The following CHD1L variants were observed in gnomAD, a reference collection of about 807,000 sequenced individuals.
The protein encoded by CHD1L is ATP-dependent chromatin remodeler CHD1L.
Under a neutral mutation model 115.9 loss-of-function variants are expected in CHD1L, and 118 were observed. The ratio of observed to expected loss-of-function variants is 1.02; its 90% CI spans 0.88 to 1.19. CHD1L has a LOEUF of 1.19. Ranked by LOEUF, CHD1L falls within the 50% of genes most tolerant of loss-of-function variation. CHD1L has a pLI of 0.00. For missense variants in CHD1L, 1,179 were observed against 1,065.3 expected, an observed-to-expected ratio of 1.11 and a Z score of -1.49; for synonymous variants, 411 against 387.1, an observed-to-expected ratio of 1.06 and a Z score of -0.72.
At chr1:147,275,782 T>A (rs1209606972) in intron 13 of CHD1L, among the ~76,000 whole-genome samples, 6 of 139,396 alleles carry the variant, frequency 4.3e-5, no homozygotes, top group Non-Finnish European at 6.1e-5. Context: ...GGAGCTAAGC[T>A]AAAAAAAAAA....
chr1:147,259,982 T>A, intron 6 of CHD1L, 64 bp downstream of exon 6: 1 of 1,252,748 alleles, frequency 8.0e-7, no homozygotes, highest in Non-Finnish European at 1.1e-6. Flanking sequence ...CATTATATTT[T>A]AGAGTAATTT....
At chr1:147,219,141 A>AT in the CHD1L span, among the ~76,000 whole-genome samples, 16 of 152,330 alleles carry the variant, frequency 1.1e-4, no homozygotes, top group South Asian at 3.3e-3. Flanking sequence ...AAAAACTATG[A>AT]TTTTGAAGTC....
At chr1:147,183,545 T>G in the CHD1L span, among the ~76,000 whole-genome samples, 1 of 152,216 alleles carries the variant, frequency 6.6e-6, no homozygotes, top group Non-Finnish European at 1.5e-5. Context: ...TTGTTATATA[T>G]TATGATAAGG....
upstream of CHD1L, among the ~76,000 whole-genome samples, chr1:147,241,918 AC>A (rs1664939606): frequency 6.6e-6 from 1 of 152,126 alleles, no homozygotes; most frequent in Admixed American, 6.5e-5. Flanking sequence ...CAATTATAAC[AC>A]CTAATTATTG....
chr1:147,222,114 A>T, the CHD1L span, among the ~76,000 whole-genome samples: 11 of 152,210 alleles, frequency 7.2e-5, no homozygotes, highest in Admixed American at 2.6e-4. Flanking sequence ...TCATGCCTGT[A>T]ATCCCCACAC....
chr1:147,238,262 C>G (rs1664650860), upstream of CHD1L, among the ~76,000 whole-genome samples: 2 of 152,324 alleles, frequency 1.3e-5, no homozygotes, highest in Middle Eastern at 3.4e-3. Flanking sequence ...TTCATTTACT[C>G]AAGAGGTCTG....
At chr1:147,255,770 G>C in intron 3 of CHD1L, 43 bp from the exon 4 acceptor site, 1 of 1,364,706 alleles carries the variant, frequency 7.3e-7, no homozygotes. Context: ...CCTGTCACAT[G>C]GATCTAGTAT....
chr1:147,290,207 C>G (rs1481066127), intron 19 of CHD1L, among the ~76,000 whole-genome samples: 2 of 152,100 alleles, frequency 1.3e-5, no homozygotes, highest in African/African-American at 2.4e-5. Flanking sequence ...CTCAGCCTCC[C>G]AAGTAGCTTT....
At chr1:147,265,909 T>A (rs782251956) in intron 7 of CHD1L, 23 bp from the exon 8 acceptor site, 1 of 1,595,260 alleles carries the variant, frequency 6.3e-7, no homozygotes, top group Admixed American at 1.8e-5. Context: ...CCCACACTTC[T>A]TGTATTTTTT....
chr1:147,232,102 T>A, the CHD1L span, among the ~76,000 whole-genome samples: 1 of 152,194 alleles, frequency 6.6e-6, no homozygotes, highest in African/African-American at 2.4e-5. Flanking sequence ...TTAAATGGCA[T>A]CTTTGTAAGA....
the CHD1L span, chr1:147,186,414 G>GTT: frequency 1.1e-6 from 1 of 905,370 alleles, no homozygotes; most frequent in African/African-American, 1.8e-5. Context: ...AACTATTGTA[G>GTT]GAACATTATT....
chr1:147,295,737 C>CAT lies in CHD1L; in HGVS notation c.*230_*231dup, dbSNP rs1687278532. 1 of 515,088 alleles carries CAT rather than the reference C, an allele frequency of 1.9e-6. No individual in the cohort carries two copies. The highest frequency in any genetic ancestry group is 2.0e-5 in the African/African-American group (1 of 50,216). 31.9% of individuals were successfully genotyped at this position (515,088 alleles called of 1,614,324 possible). A position where few individuals can be genotyped will look rare whatever the true frequency, so the allele number is the denominator to read the frequency against. On this transcript the variant is annotated 3_prime_UTR_variant, in exon 23 of 23. Transcript: ENST00000369258. ...CCCTTTGACCCCAGCTTGCTAGTTG[C>CAT]ATAATAATAAATTTTCTGTTCCTAA... is the stretch of plus-strand genomic sequence containing the variant.
At chr1:147,175,746 C>T in the CHD1L span, 1 of 152,088 alleles carries the variant, frequency 6.6e-6, no homozygotes, top group East Asian at 1.9e-4. Flanking sequence ...TAGGCTAATA[C>T]ATCTGGTGAA....
intron 13 of CHD1L, 22 bp downstream of exon 13, chr1:147,275,490 C>T (rs6680778): frequency 0.17 from 259,472 of 1,572,440 alleles, 25,428 homozygotes; most frequent in African/African-American, 0.4. Context: ...TTTTCTGCTT[C>T]CTTGGCTTGC....
At chr1:147,270,453 CCCCCA>C (rs1262907506) in intron 10 of CHD1L, among the ~76,000 whole-genome samples, 3 of 152,128 alleles carry the variant, frequency 2.0e-5, no homozygotes, top group African/African-American at 7.2e-5. Flanking sequence ...TGACTTTACA[CCCCCA>C]AACAGGGCAT....
At chr1:147,236,186 T>C in the CHD1L span, among the ~76,000 whole-genome samples, 1 of 152,180 alleles carries the variant, frequency 6.6e-6, no homozygotes, top group Non-Finnish European at 1.5e-5. Flanking sequence ...CACTGGAGAA[T>C]GCAGTGGTGC....
At chr1:147,275,326 A>G (rs782092123) in intron 12 of CHD1L, 28 bp from the exon 13 acceptor site, 8 of 1,540,292 alleles carry the variant, frequency 5.2e-6, no homozygotes, top group South Asian at 3.3e-5. Context: ...TGTGCTGCTG[A>G]TTACATTCCT....
chr1:147,237,838 G>A (rs587703329), upstream of CHD1L, among the ~76,000 whole-genome samples: 7 of 152,326 alleles, frequency 4.6e-5, no homozygotes, highest in South Asian at 1.5e-3. Context: ...AAGGCATCCA[G>A]TTAAAAAGGA....
Position 147,259,902 on chromosome 1 carries a change from A to G in CHD1L, c.560A>G (p.His187Arg), listed in dbSNP as rs202041182. ...HRLKNQSSLL[H>R]KTLSEFSVVF... is the part of the protein sequence containing the mutation. ...TTGAAAAACCAAAGCTCCCTGCTGC[A>G]TAAGACCTTGTCAGAGGTAAACTTA... The change falls in exon 6 of 23, where the codon CAT becomes CGT. Residue 187 changes from histidine (H) to arginine (R), a missense_variant. His to Arg is a conservative substitution (Grantham distance 29). Transcript: ENST00000369258. The G allele has an allele frequency of 2.5e-6, 4 of 1,613,624 alleles. No homozygotes were observed. The highest frequency in any genetic ancestry group is 2.7e-5 in the African/African-American group (2 of 75,048).
Sources: allele counts gnomAD v4.1 joint callset (sites outside exome capture counted in the v4.1 genomes callset), GRCh38; gene constraint gnomAD v4.1.1; transcripts MANE v1.5; gene names NCBI Gene and HGNC (gene_info 2026-07-23, HGNC 2026-07-21).